The following CALCOCO2 variants were observed in gnomAD, a reference collection of about 807,000 sequenced individuals.
The protein encoded by CALCOCO2 is calcium binding and coiled-coil domain 2, also known as calcium-binding and coiled-coil domain-containing protein 2.
A neutral mutation model predicts 62.5 loss-of-function variants in CALCOCO2; 42 were observed. The ratio of observed to expected loss-of-function variants is 0.67; its 90% CI spans 0.53 to 0.87. The LOEUF (loss-of-function observed/expected upper bound fraction) is 0.87. Among genes scored for constraint, CALCOCO2 ranks in the 40% least tolerant of loss-of-function variants. The pLI is 0.00. For synonymous variants in CALCOCO2, 167 were observed against 173.0 expected, an observed-to-expected ratio of 0.97 and a Z score of 0.27; for missense variants, 456 against 515.0, an observed-to-expected ratio of 0.89 and a Z score of 1.11.
At chr17:48,847,866 G>T (rs1009654017) in intron 2 of CALCOCO2, 198 bp from the exon 3 acceptor site, 2 of 477,854 alleles carry the variant, frequency 4.2e-6, no homozygotes, top group African/African-American at 2.0e-5. Context: ...TGTTGCCCAG[G>T]CTGGTCTCAA....
intron 9 of CALCOCO2, among the ~76,000 whole-genome samples, chr17:48,855,552 C>T (rs1343998826): frequency 6.6e-6 from 1 of 152,162 alleles, no homozygotes; most frequent in East Asian, 1.9e-4. Context: ...CAACCCATCA[C>T]ACTGGGTTGC....
intron 9 of CALCOCO2, chr17:48,853,301 C>T: frequency 3.7e-6 from 1 of 267,350 alleles, no homozygotes; most frequent in Non-Finnish European, 7.3e-6. Context: ...CCCCTACCCT[C>T]TTCTTACAGA....
intron 11 of CALCOCO2, 94 bp downstream of exon 11, chr17:48,860,543 C>G (rs2040312481): frequency 8.9e-7 from 1 of 1,124,460 alleles, no homozygotes; most frequent in Non-Finnish European, 1.3e-6. Context: ...TAAGACCAGT[C>G]TCATTGTTAA....
chr17:48,837,918 G>GT (rs993336975), intron 1 of CALCOCO2, among the ~76,000 whole-genome samples: 1 of 152,004 alleles, frequency 6.6e-6, no homozygotes, highest in Non-Finnish European at 1.5e-5. Flanking sequence ...GGGAGGTCTT[G>GT]TTTTTTTGGT....
rs192432955 is a variant in CALCOCO2 at position 48,846,266 on chromosome 17, A to T, written c.181-1798A>T. 3.4e-3 allele frequency among the ~76,000 whole-genome samples: 515 copies of T among 152,216 alleles called. 4 individuals are homozygous for T. Among genetic ancestry groups the T allele is most frequent in the African/African-American group, 0.011 (470 of 41,522 alleles). Reference sequence around the variant, plus strand: ...ATTCTCGTGTCTCAGCCACTGAGTAACTGGGATTATAGGCATGCACCACTG... The same window carrying T: ...ATTCTCGTGTCTCAGCCACTGAGTATCTGGGATTATAGGCATGCACCACTG... On this transcript the variant is annotated intron_variant, in intron 2 of 12. Transcript: ENST00000258947.
chr17:48,847,237 G>GA (rs2040064651), intron 2 of CALCOCO2, among the ~76,000 whole-genome samples: 1 of 151,006 alleles, frequency 6.6e-6, no homozygotes, highest in Non-Finnish European at 1.5e-5. Flanking sequence ...AAAATAATGG[G>GA]TTTTTTTTTA....
chr17:48,834,799 G>C (rs1598021260), intron 1 of CALCOCO2, among the ~76,000 whole-genome samples: 1 of 152,170 alleles, frequency 6.6e-6, no homozygotes, highest in Admixed American at 6.5e-5. Flanking sequence ...TGTAATCCCA[G>C]CACTTTGGGA....
intron 2 of CALCOCO2, chr17:48,842,607 G>A (rs889141470): frequency 1.5e-5 from 2 of 131,038 alleles, no homozygotes; most frequent in South Asian, 2.7e-4. Context: ...CAGTAGCTGG[G>A]ACTACAGGTA....
rs151284913 is a variant in CALCOCO2, at chr17:48,857,605, C to T, written c.1008+1418C>T. On this transcript the variant is annotated intron_variant, in intron 10 of 12. Coordinates refer to ENST00000258947, the MANE Select transcript of CALCOCO2 (RefSeq NM_005831.5). ...ACAACCTCCACCTCCTGATCTTTACCCTCTATAATCCTTCTGGCCTATGCC... is the reference window on the plus strand; with the variant it reads ...ACAACCTCCACCTCCTGATCTTTACTCTCTATAATCCTTCTGGCCTATGCC... 2.4e-4 allele frequency among the ~76,000 whole-genome samples: 35 copies of T among 147,052 alleles called. No individual in the cohort carries two copies. In the East Asian group the frequency reaches 6.3e-3, roughly 26 times the overall value.
At chr17:48,846,389 C>A in intron 2 of CALCOCO2, 1 of 740,190 alleles carries the variant, frequency 1.4e-6, no homozygotes, top group South Asian at 1.6e-5. Flanking sequence ...AGGAAGCAGT[C>A]TGCTTTCCTT....
intron 11 of CALCOCO2, among the ~76,000 whole-genome samples, chr17:48,861,725 CA>C (rs1236749218): frequency 3.5e-5 from 5 of 143,950 alleles, no homozygotes; most frequent in Non-Finnish European, 7.5e-5. Flanking sequence ...ATACAATTTT[CA>C]TTTGTAATTT....
At chr17:48,845,371 CTGTGTGTG>C (rs56280364) in intron 2 of CALCOCO2, among the ~76,000 whole-genome samples, 1,290 of 116,206 alleles carry the variant, frequency 0.011, 22 homozygotes, top group African/African-American at 0.03. Context: ...TAAATCCTCA[CTGTGTGTG>C]TGTGTGTGTG....
intron 2 of CALCOCO2, chr17:48,842,095 G>T: frequency 6.0e-6 from 2 of 331,606 alleles, no homozygotes; most frequent in Non-Finnish European, 5.5e-6. Context: ...GCTAAAATAA[G>T]ATGGCAAATC....
At position 48,857,497 on chromosome 17, in the gene CALCOCO2, C is replaced by CTTTTTTTTTTTTTTTTTTTTTTTTT. The variant is rs59318856; in HGVS notation, c.1008+1333_1008+1334insTTTTTTTTTTTTTTTTTTTTTTTTT. ...CAGGCGTGAGCCACTGCACCCGGCC[C>CTTTTTTTTTTTTTTTTTTTTTTTTT]TTTTTTTTTTTTTTTTTTTTTTTGA... On this transcript the variant is annotated intron_variant, in intron 10 of 12. Transcript: ENST00000258947. Among the ~76,000 whole-genome samples the CTTTTTTTTTTTTTTTTTTTTTTTTT allele has an allele frequency of 2.9e-4, 11 of 38,440 alleles. 3 individuals are homozygous for CTTTTTTTTTTTTTTTTTTTTTTTTT. In the East Asian group the frequency reaches 7.9e-3, roughly 28 times the overall value. The allele number at this position is 38,440 out of a possible 152,430, so 25.2% of individuals were successfully genotyped here. A position where few individuals can be genotyped will look rare whatever the true frequency, so the allele number is the denominator to read the frequency against.
rs773686834 is a variant in CALCOCO2, at chr17:48,863,016, C to T, written c.*11C>T. 266 of 1,584,978 alleles carry T rather than the reference C, an allele frequency of 1.7e-4. No homozygotes were observed. Among genetic ancestry groups the T allele is most frequent in the Non-Finnish European group, 2.3e-4 (261 of 1,153,596 alleles). ...TGCCACTCTCTCTGAGTATCCCAAC[C>T]TCTTGGATGTATACAGAGATTTTAT... On this transcript the variant is annotated 3_prime_UTR_variant, in exon 13 of 13. Transcript: ENST00000258947.
intron 9 of CALCOCO2, among the ~76,000 whole-genome samples, chr17:48,854,308 T>C (rs1598040921): frequency 3.9e-5 from 1 of 25,682 alleles, no homozygotes; most frequent in Non-Finnish European, 7.0e-5. Context: ...AGAGCGAGAC[T>C]CCGTCTCAAA....
At chr17:48,860,193 T>G in intron 10 of CALCOCO2, 121 bp from the exon 11 acceptor site, 3 of 680,456 alleles carry the variant, frequency 4.4e-6, no homozygotes, top group Non-Finnish European at 7.7e-6. Context: ...TATCAATTAT[T>G]GAGTTTCTCC....
rs911164719 is a variant in CALCOCO2, at chr17:48,860,547, T to C, written c.1144+98T>C. The C allele has an allele frequency of 7.9e-6, 8 of 1,015,576 alleles. No homozygotes were observed. The African/African-American group carries it at 1.3e-4, about 16-fold the overall frequency. 62.9% of individuals were successfully genotyped at this position (1,015,576 alleles called of 1,614,324 possible). Reference sequence around the variant, plus strand: ...GAGGTGCTAATTAAGACCAGTCTCATTGTTAAGACTTGCTGGGCAGAAGCT... The same window carrying C: ...GAGGTGCTAATTAAGACCAGTCTCACTGTTAAGACTTGCTGGGCAGAAGCT... On this transcript the variant is annotated intron_variant, in intron 11 of 12. Coordinates refer to ENST00000258947, the MANE Select transcript of CALCOCO2 (RefSeq NM_005831.5).
At chr17:48,834,815 A>G (rs1050346773) in intron 1 of CALCOCO2, among the ~76,000 whole-genome samples, 1 of 152,226 alleles carries the variant, frequency 6.6e-6, no homozygotes, top group African/African-American at 2.4e-5. Context: ...TGGGAGGCCA[A>G]TGCGGGAGGA....
Sources: gnomAD v4.1 joint callset for allele counts (sites outside exome capture counted in the v4.1 genomes callset) on GRCh38, gnomAD v4.1.1 for gene constraint, MANE v1.5 for transcripts, NCBI Gene and HGNC (gene_info 2026-07-23, HGNC 2026-07-21) for gene names.